Variants in ROBO2 observed in about 807,000 individuals in gnomAD.
ROBO2 encodes the protein roundabout guidance receptor 2.
In ROBO2, 53 loss-of-function variants were observed where a neutral mutation model predicts 160.8. The ratio of observed to expected loss-of-function variants is 0.33; its 90% CI spans 0.26 to 0.41. The LOEUF is 0.41. ROBO2 is among the 10% of genes least tolerant of loss of function. The probability of loss-of-function intolerance (pLI) is 1.00; values close to 1 mark genes in which losing one functional copy is unlikely to be tolerated. For synonymous variants in ROBO2, 664 were observed against 611.7 expected, an observed-to-expected ratio of 1.09 and a Z score of -1.26; for missense variants, 1,577 against 1,722.4, an observed-to-expected ratio of 0.92 and a Z score of 1.49.
At chr3:77,537,214 A>T (rs868025729) in intron 6 of ROBO2, among the ~76,000 whole-genome samples, 16 of 152,014 alleles carry the variant, frequency 1.1e-4, no homozygotes, top group African/African-American at 3.6e-4. Flanking sequence ...TCGTCATACT[A>T]TGTAATTATT....
intron 2 of ROBO2, among the ~76,000 whole-genome samples, chr3:76,989,913 T>C (rs2060576654): frequency 6.6e-6 from 1 of 152,176 alleles, no homozygotes; most frequent in African/African-American, 2.4e-5. Flanking sequence ...TCTTTTACAC[T>C]TAAAAGGTTG....
At chr3:77,082,765 G>A (rs2068809056) in intron 1 of ROBO2, among the ~76,000 whole-genome samples, 1 of 151,476 alleles carries the variant, frequency 6.6e-6, no homozygotes, top group Admixed American at 6.6e-5. Flanking sequence ...ATGTACAAAT[G>A]TACTTGTGAT....
intron 2 of ROBO2, among the ~76,000 whole-genome samples, chr3:75,940,468 A>G (rs1383187524): frequency 2.0e-5 from 3 of 152,054 alleles, no homozygotes; most frequent in Non-Finnish European, 4.4e-5. Flanking sequence ...GCTTGAGGAC[A>G]TCCATTTTCC....
chr3:77,352,818 G>T (rs1278171723), intron 2 of ROBO2, among the ~76,000 whole-genome samples: 1 of 152,138 alleles, frequency 6.6e-6, no homozygotes, highest in Non-Finnish European at 1.5e-5. Flanking sequence ...CCAGATGTGG[G>T]AAGTTACTTC....
At chr3:77,400,215 A>G (rs991380682) in intron 2 of ROBO2, among the ~76,000 whole-genome samples, 5 of 152,198 alleles carry the variant, frequency 3.3e-5, no homozygotes, top group Admixed American at 3.3e-4. Context: ...TTAGGCTTTA[A>G]AAATGATAGG....
intron 2 of ROBO2, among the ~76,000 whole-genome samples, chr3:77,203,135 G>A (rs2083075299): frequency 6.6e-6 from 1 of 152,320 alleles, no homozygotes; most frequent in Non-Finnish European, 1.5e-5. Context: ...AATAAAACAA[G>A]TAATTTATTG....
At chr3:76,752,666 G>C (rs1221748091) in intron 2 of ROBO2, among the ~76,000 whole-genome samples, 2 of 151,772 alleles carry the variant, frequency 1.3e-5, no homozygotes, top group Non-Finnish European at 2.9e-5. Flanking sequence ...TCATAGGTTT[G>C]CTATGAAAAA....
At chr3:77,415,193 G>T (rs978028884) in intron 2 of ROBO2, among the ~76,000 whole-genome samples, 1 of 152,344 alleles carries the variant, frequency 6.6e-6, no homozygotes, top group East Asian at 1.9e-4. Flanking sequence ...AAGAGCAAAT[G>T]CTCAACTTTG....
chr3:76,374,177 G>C (rs2076236301), intron 2 of ROBO2, among the ~76,000 whole-genome samples: 1 of 151,906 alleles, frequency 6.6e-6, no homozygotes, highest in Non-Finnish European at 1.5e-5. Context: ...ATGTTTTCAT[G>C]GAAGGAGCTA....
intron 2 of ROBO2, among the ~76,000 whole-genome samples, chr3:76,304,593 C>T (rs555104394): frequency 6.4e-4 from 98 of 152,168 alleles, no homozygotes; most frequent in Admixed American, 2.1e-3. Flanking sequence ...ATAGTGCAGC[C>T]TGTAGTTAGT....
At chr3:77,494,355 T>C (rs1018604226) in intron 5 of ROBO2, among the ~76,000 whole-genome samples, 1 of 152,138 alleles carries the variant, frequency 6.6e-6, no homozygotes, top group African/African-American at 2.4e-5. Context: ...GGCAGGTGGA[T>C]CATTTCATGT....
chr3:76,467,617 C>A (rs1368148781), intron 2 of ROBO2, among the ~76,000 whole-genome samples: 1 of 152,098 alleles, frequency 6.6e-6, no homozygotes, highest in Non-Finnish European at 1.5e-5. Flanking sequence ...TCCACTCCAA[C>A]AATGACCCTG....
intron 2 of ROBO2, among the ~76,000 whole-genome samples, chr3:76,649,863 CTG>C (rs777489719): frequency 5.3e-5 from 8 of 152,072 alleles, no homozygotes; most frequent in Non-Finnish European, 1.0e-4. Flanking sequence ...TATTAACAAA[CTG>C]TTTAAAAATC....
At chr3:76,969,489 A>G (rs1176457142) in intron 2 of ROBO2, among the ~76,000 whole-genome samples, 1 of 152,162 alleles carries the variant, frequency 6.6e-6, no homozygotes, top group East Asian at 1.9e-4. Context: ...TGTAAGTACC[A>G]AAGAGCCACA....
chr3:76,201,399 T>A (rs555006618), intron 2 of ROBO2, among the ~76,000 whole-genome samples: 1 of 152,278 alleles, frequency 6.6e-6, no homozygotes, highest in Non-Finnish European at 1.5e-5. Context: ...TCAATTATCT[T>A]GTTCCTTAGT....
At chr3:75,928,681 G>T (rs1187370106) in intron 1 of ROBO2, among the ~76,000 whole-genome samples, 1 of 152,164 alleles carries the variant, frequency 6.6e-6, no homozygotes, top group East Asian at 1.9e-4. Context: ...GCTTGTTCCA[G>T]TTGCTCACAG....
intron 2 of ROBO2, among the ~76,000 whole-genome samples, chr3:76,767,261 CTT>C (rs1560525650): frequency 6.6e-6 from 1 of 151,542 alleles, no homozygotes; most frequent in Non-Finnish European, 1.5e-5. Flanking sequence ...GAATGGATGA[CTT>C]TTACAATTTA....
At chr3:76,824,392 T>TATAATTGAGGCGGG (rs1559560053) in intron 2 of ROBO2, among the ~76,000 whole-genome samples, 1 of 152,170 alleles carries the variant, frequency 6.6e-6, no homozygotes, top group South Asian at 2.1e-4. Flanking sequence ...CCACAGTGCC[T>TATAATTGAGGCGGG]GGCCTCAATT....
intron 2 of ROBO2, among the ~76,000 whole-genome samples, chr3:76,483,939 C>T (rs2079349213): frequency 6.6e-6 from 1 of 152,126 alleles, no homozygotes; most frequent in African/African-American, 2.4e-5. Context: ...TGTATATGTA[C>T]AACATTTTCT....
Sources: gnomAD v4.1 joint callset for allele counts (sites outside exome capture counted in the v4.1 genomes callset) on GRCh38, gnomAD v4.1.1 for gene constraint, MANE v1.5 for transcripts, NCBI Gene and HGNC (gene_info 2026-07-23, HGNC 2026-07-21) for gene names.